The following ANO2 variants were observed in gnomAD, a reference collection of about 807,000 sequenced individuals.
The protein encoded by ANO2 is anoctamin-2.
Under a neutral mutation model 124.2 loss-of-function variants are expected in ANO2, and 101 were observed. The observed-to-expected ratio is 0.81, with a 90% confidence interval of 0.69 to 0.96. The LOEUF (loss-of-function observed/expected upper bound fraction) is 0.96. Among genes scored for constraint, ANO2 ranks in the 40% least tolerant of loss-of-function variants. The pLI, the probability that ANO2 is intolerant of heterozygous loss-of-function variation, is 0.00. For missense variants in ANO2, 1,293 were observed against 1,274.5 expected (o/e 1.01, Z -0.22); for synonymous variants, 486 against 482.5 (o/e 1.01, Z -0.09).
chr12:5,846,039 T>C (rs1954676640), intron 4 of ANO2, among the ~76,000 whole-genome samples: 1 of 152,242 alleles, frequency 6.6e-6, no homozygotes, highest in Admixed American at 6.5e-5. Flanking sequence ...ATGAATCTTT[T>C]TCCTCAAAGT....
intron 16 of ANO2, among the ~76,000 whole-genome samples, chr12:5,634,484 C>G (rs1393646507): frequency 6.6e-6 from 1 of 152,174 alleles, no homozygotes. Flanking sequence ...TACAATGGGA[C>G]AGGGTCTTGA....
At chr12:5,568,138 T>A (rs1227089343) in intron 23 of ANO2, among the ~76,000 whole-genome samples, 3 of 97,238 alleles carry the variant, frequency 3.1e-5, no homozygotes, top group African/African-American at 1.0e-4. Context: ...ACCCTATGCT[T>A]TTTTTTTTTT....
chr12:5,832,510 G>C lies in ANO2; in HGVS notation c.727C>G (p.His243Asp). Residue 243 changes from histidine to aspartate, a missense_variant, in exon 5 of 25, where the codon CAC becomes GAC. His to Asp is a moderately conservative substitution (Grantham distance 81, BLOSUM62 -1). Transcript: ENST00000682330. ...AGGTTTTTCATCTTGTTGTTGCTGT[G>C]TTCTGGAACTCGGGGCTGCAGGTGC... Reference protein sequence around the residue: ...SSHLQPRVPEHSNNKMKNLSY... With the variant: ...SSHLQPRVPEDSNNKMKNLSY... 1 of 1,613,996 alleles carries C rather than the reference G, an allele frequency of 6.2e-7. No homozygotes were observed. Among genetic ancestry groups the C allele is most frequent in the Non-Finnish European group, 8.5e-7 (1 of 1,179,892 alleles).
intron 14 of ANO2, among the ~76,000 whole-genome samples, chr12:5,667,302 C>T (rs990802077): frequency 2.0e-5 from 3 of 151,394 alleles, no homozygotes; most frequent in African/African-American, 4.9e-5. Context: ...CCACACTTCA[C>T]AGTTGGTTAG....
At chr12:5,796,683 G>C (rs545627003) in intron 10 of ANO2, among the ~76,000 whole-genome samples, 1 of 152,222 alleles carries the variant, frequency 6.6e-6, no homozygotes, top group Non-Finnish European at 1.5e-5. Context: ...TGCTGGGCAC[G>C]AACGACACTG....
intron 10 of ANO2, among the ~76,000 whole-genome samples, chr12:5,781,900 G>T (rs1375615726): frequency 1.3e-5 from 2 of 152,208 alleles, no homozygotes; most frequent in African/African-American, 4.8e-5. Context: ...AATGGTCCAT[G>T]TGCATGTGAA....
rs180856192 is a variant in ANO2, at chr12:5,925,268, C to T, written c.23-2464G>A. Among the ~76,000 whole-genome samples the T allele has an allele frequency of 1.3e-5, 2 of 152,340 alleles. No individual in the cohort carries two copies. Among genetic ancestry groups the T allele is most frequent in the East Asian group, 1.9e-4 (1 of 5,184 alleles). On this transcript the variant is annotated intron_variant, in intron 1 of 24. Coordinates refer to ENST00000682330, the MANE Select transcript of ANO2 (RefSeq NM_001364791.2). The surrounding 1 kb of genome is among the most constrained non-coding windows in gnomAD (Gnocchi z 4.6). ...AGGGCAATGCAAAGCTTTGGTCCAG[C>T]TGCTGTCCAGGAACCACCATCCCCT...
At chr12:5,764,772 G>C (rs776433743) in intron 10 of ANO2, among the ~76,000 whole-genome samples, 1 of 149,652 alleles carries the variant, frequency 6.7e-6, no homozygotes, top group Admixed American at 6.7e-5. Flanking sequence ...TGAGGCATTC[G>C]ATCGTTCAGA....
At chr12:5,906,655 C>T (rs977350305) in intron 3 of ANO2, among the ~76,000 whole-genome samples, 4 of 152,052 alleles carry the variant, frequency 2.6e-5, no homozygotes, top group African/African-American at 9.7e-5. Flanking sequence ...ATTAGCTGGG[C>T]ATGGTGGTGC....
chr12:5,715,908 G>A (rs574539093), intron 14 of ANO2, among the ~76,000 whole-genome samples: 30 of 152,260 alleles, frequency 2.0e-4, no homozygotes, highest in African/African-American at 7.0e-4. Context: ...TAACCATTGG[G>A]TAAGGACTAA....
intron 14 of ANO2, among the ~76,000 whole-genome samples, chr12:5,724,614 G>A (rs947854696): frequency 1.1e-4 from 16 of 152,212 alleles, no homozygotes; most frequent in Admixed American, 1.3e-4. Flanking sequence ...GGCGTCTGTC[G>A]TAAATGTTTC....
At chr12:5,643,233 C>G (rs1946470234) in intron 15 of ANO2, among the ~76,000 whole-genome samples, 1 of 152,192 alleles carries the variant, frequency 6.6e-6, no homozygotes, top group South Asian at 2.1e-4. Flanking sequence ...TAATCATTCT[C>G]TTGCTCATTT....
chr12:5,867,519 C>T (rs1259218683), intron 3 of ANO2, among the ~76,000 whole-genome samples: 1 of 152,140 alleles, frequency 6.6e-6, no homozygotes, highest in Non-Finnish European at 1.5e-5. Context: ...CTGAGACTTC[C>T]CTAGGGCTCA....
At chr12:5,645,900 T>C (rs577313204) in intron 15 of ANO2, among the ~76,000 whole-genome samples, 84 of 152,360 alleles carry the variant, frequency 5.5e-4, no homozygotes, top group African/African-American at 1.9e-3. Context: ...TCCTCTTATG[T>C]GGTGACCCAG....
At chr12:5,868,108 A>T (rs1955478770) in intron 3 of ANO2, among the ~76,000 whole-genome samples, 1 of 152,214 alleles carries the variant, frequency 6.6e-6, no homozygotes, top group Non-Finnish European at 1.5e-5. Context: ...GAAGGGACAG[A>T]TACCCCATTG....
At chr12:5,767,194 C>T (rs878877544) in intron 10 of ANO2, among the ~76,000 whole-genome samples, 7 of 152,140 alleles carry the variant, frequency 4.6e-5, no homozygotes, top group South Asian at 2.1e-4. Context: ...CCTCAGGAGA[C>T]GGATGAAAGG....
intron 14 of ANO2, among the ~76,000 whole-genome samples, chr12:5,657,143 T>C (rs552695065): frequency 6.6e-6 from 1 of 152,194 alleles, no homozygotes; most frequent in African/African-American, 2.4e-5. Flanking sequence ...GCATGACAGA[T>C]AGGAGCTGGT....
chr12:5,915,189 C>T (rs958858555), intron 3 of ANO2, among the ~76,000 whole-genome samples: 5 of 152,134 alleles, frequency 3.3e-5, no homozygotes, highest in African/African-American at 1.2e-4. Flanking sequence ...GCATCTCCAA[C>T]GACGTCTTTA....
At chr12:5,586,455 C>T (rs1396319681) in intron 20 of ANO2, among the ~76,000 whole-genome samples, 1 of 152,214 alleles carries the variant, frequency 6.6e-6, no homozygotes, top group Non-Finnish European at 1.5e-5. Context: ...GAGCCATTGG[C>T]TTGTAACACA....
Sources: allele counts gnomAD v4.1 joint callset (sites outside exome capture counted in the v4.1 genomes callset), GRCh38; gene constraint gnomAD v4.1.1; non-coding constraint Gnocchi (gnomAD v3.1); transcripts MANE v1.5; gene names NCBI Gene and HGNC (gene_info 2026-07-23, HGNC 2026-07-21).